The following BLNK variants were observed in gnomAD, a reference collection of about 807,000 sequenced individuals.
The protein encoded by BLNK is B-cell linker protein.
BLNK carries 29 observed loss-of-function variants against 73.5 expected under a neutral mutation model. The ratio of observed to expected loss-of-function variants is 0.39; its 90% CI spans 0.29 to 0.54. The LOEUF (loss-of-function observed/expected upper bound fraction) is 0.54, where lower values mean the gene tolerates loss of function less well. Ranked by LOEUF, BLNK falls within the 20% of genes least tolerant of loss-of-function variation. The pLI is 0.61. For synonymous variants in BLNK, 176 were observed against 200.8 expected (o/e 0.88, Z 1.04); for missense variants, 460 against 562.8 (o/e 0.82, Z 1.85).
At chr10:96,252,088 G>A (rs1263109574) in intron 1 of BLNK, among the ~76,000 whole-genome samples, 7 of 152,114 alleles carry the variant, frequency 4.6e-5, no homozygotes, top group African/African-American at 1.4e-4. Context: ...TCTCACTCTT[G>A]TTGCCCAGGC....
At chr10:96,255,145 G>A (rs1032912983) in intron 1 of BLNK, among the ~76,000 whole-genome samples, 3 of 152,138 alleles carry the variant, frequency 2.0e-5, no homozygotes, top group Admixed American at 6.5e-5. Context: ...ATCCACAGAA[G>A]GGTATCTGCA....
chr10:96,200,947 T>C lies in BLNK; in HGVS notation c.1011+35A>G. ...CATGCTCTTTCCTGCAGTTTCCTGG[T>C]AACAATTTAGTGACATCAAGAGTTC... On this transcript the variant is annotated intron_variant, in intron 14 of 16. Transcript: ENST00000224337. This position sits in a 1 kb window ranked among gnomAD's most constrained non-coding sequence, Gnocchi z 4.3. 1.9e-6 allele frequency: 3 copies of C among 1,583,614 alleles called. No homozygotes were observed. The highest frequency in any genetic ancestry group is 2.6e-6 in the Non-Finnish European group (3 of 1,152,216).
At chr10:96,221,356 C>A (rs587637010) in intron 6 of BLNK, among the ~76,000 whole-genome samples, 2 of 152,218 alleles carry the variant, frequency 1.3e-5, no homozygotes, top group East Asian at 3.8e-4. Context: ...TTGCCTATAA[C>A]CTGCAGAGCA....
In BLNK at chr10:96,191,727, G is replaced by T; in HGVS notation, c.*246C>A. 1.1e-5 allele frequency: 4 copies of T among 363,574 alleles called. No homozygotes were observed. Among genetic ancestry groups the T allele is most frequent in the Non-Finnish European group, 1.5e-5 (3 of 199,770 alleles). The allele number at this position is 363,574 out of a possible 1,614,324, so 22.5% of individuals were successfully genotyped here. ...TTTTTAAAAATAAAAATATTTATTT[G>T]GAAAATATTAGTAGCATGATAACTC... On this transcript the variant is annotated 3_prime_UTR_variant, in exon 17 of 17. Transcript: ENST00000224337.
At chr10:96,211,862 AC>A (rs1376548960) in intron 8 of BLNK, among the ~76,000 whole-genome samples, 1 of 152,222 alleles carries the variant, frequency 6.6e-6, no homozygotes, top group South Asian at 2.1e-4. Flanking sequence ...CTGTTAAAGT[AC>A]CCTTGACTGC....
chr10:96,268,575 A>G (rs1844118794), intron 1 of BLNK, among the ~76,000 whole-genome samples: 1 of 152,084 alleles, frequency 6.6e-6, no homozygotes, highest in Non-Finnish European at 1.5e-5. Context: ...CATCTCACCT[A>G]TCTCTATTCT....
intron 4 of BLNK, among the ~76,000 whole-genome samples, 183 bp downstream of exon 4, chr10:96,230,611 A>G (rs1458549452): frequency 6.6e-6 from 1 of 152,240 alleles, no homozygotes; most frequent in African/African-American, 2.4e-5. Context: ...GCTCTTAGCC[A>G]GGCGCACACT....
intron 3 of BLNK, among the ~76,000 whole-genome samples, chr10:96,232,533 C>T (rs950823966): frequency 2.6e-5 from 4 of 152,108 alleles, no homozygotes; most frequent in Non-Finnish European, 4.4e-5. Flanking sequence ...ACTGTGGGAT[C>T]GGAGTGGCCA....
At chr10:96,201,079 C>G in intron 13 of BLNK, 21 bp from the exon 14 acceptor site, 1 of 1,599,378 alleles carries the variant, frequency 6.3e-7, no homozygotes, top group Non-Finnish European at 8.6e-7. Flanking sequence ...TCAGAAAAGT[C>G]CTTCAATTAA....
At chr10:96,233,511 C>T (rs4918996) in intron 3 of BLNK, among the ~76,000 whole-genome samples, 109,751 of 152,184 alleles carry the variant, frequency 0.72, 41,832 homozygotes, top group Non-Finnish European at 0.84. Context: ...CCACCACCGA[C>T]TTCTTGCGGC....
At chr10:96,208,018 A>G in intron 9 of BLNK, 119 bp from the exon 10 acceptor site, 1 of 1,090,276 alleles carries the variant, frequency 9.2e-7, no homozygotes, top group South Asian at 1.3e-5. Context: ...AGTGTGTAGA[A>G]GACTATCCTT....
chr10:96,222,786 G>A (rs2084227764), intron 6 of BLNK, among the ~76,000 whole-genome samples: 2 of 152,030 alleles, frequency 1.3e-5, no homozygotes, highest in African/African-American at 4.8e-5. Context: ...GAAGAGGGAA[G>A]TGGAGGAGCA....
chr10:96,210,183 C>A, intron 8 of BLNK: 1 of 461,898 alleles, frequency 2.2e-6, no homozygotes, highest in Non-Finnish European at 4.0e-6. Context: ...TACCCGCCCC[C>A]TGCCCCATGG....
At chr10:96,215,547 A>G (rs1325473151) in intron 7 of BLNK, among the ~76,000 whole-genome samples, 158 bp from the exon 8 acceptor site, 1 of 152,226 alleles carries the variant, frequency 6.6e-6, no homozygotes, top group African/African-American at 2.4e-5. Context: ...ACACAAACCA[A>G]TAAAAGAAGT....
intron 6 of BLNK, among the ~76,000 whole-genome samples, chr10:96,220,638 C>T (rs587717866): frequency 6.6e-6 from 1 of 152,224 alleles, no homozygotes; most frequent in South Asian, 2.1e-4. Context: ...TTAATACCAA[C>T]CCCCTTCTTT....
At position 96,246,983 on chromosome 10, in the gene BLNK, C is replaced by T; in HGVS notation, c.113+1G>A. ...AAGTATTTAAATAGAGGCGAACTTA[C>T]TTTTTGATTTTATTCATTATTCCAC... is the stretch of plus-strand genomic sequence containing the variant. On this transcript the variant is annotated splice_donor_variant, in intron 2 of 16. Coordinates refer to ENST00000224337, the MANE Select transcript of BLNK (RefSeq NM_013314.4). LOFTEE classifies it high-confidence loss of function. 6.3e-7 allele frequency: 1 copy of T among 1,596,690 alleles called. No individual in the cohort carries two copies.
chr10:96,194,470 C>T (rs2083408162), intron 16 of BLNK, among the ~76,000 whole-genome samples: 1 of 152,006 alleles, frequency 6.6e-6, no homozygotes. Context: ...ACATTAAAAG[C>T]ATAGGCAAAA....
At chr10:96,250,634 A>G (rs1373450944) in intron 1 of BLNK, among the ~76,000 whole-genome samples, 1 of 152,228 alleles carries the variant, frequency 6.6e-6, no homozygotes, top group Admixed American at 6.5e-5. Context: ...GAAATGTGTC[A>G]AAAATGGGAC....
Position 96,271,426 on chromosome 10 carries a change from A to G in BLNK, c.-28T>C, listed in dbSNP as rs1414195572. 1 of 1,612,890 alleles carries G rather than the reference A, an allele frequency of 6.2e-7. No homozygotes were observed. The highest frequency in any genetic ancestry group is 8.5e-7 in the Non-Finnish European group (1 of 1,178,966). Reference sequence around the variant, plus strand: ...TGTTTGGTAATTGTAAGAGACACGAATAACTGTCCAGTGGTCACGTCAGCA... The same window carrying G: ...TGTTTGGTAATTGTAAGAGACACGAGTAACTGTCCAGTGGTCACGTCAGCA... On this transcript the variant is annotated 5_prime_UTR_variant, in exon 1 of 17. Coordinates refer to ENST00000224337, the MANE Select transcript of BLNK (RefSeq NM_013314.4).
Sources: gnomAD v4.1 joint callset for allele counts (sites outside exome capture counted in the v4.1 genomes callset) on GRCh38, gnomAD v4.1.1 for gene constraint, Gnocchi (gnomAD v3.1) non-coding constraint, MANE v1.5 for transcripts, NCBI Gene and HGNC (gene_info 2026-07-23, HGNC 2026-07-21) for gene names.